Variants in CALCOCO2 observed in about 807,000 individuals in gnomAD.
CALCOCO2 encodes the protein calcium-binding and coiled-coil domain-containing protein 2.
Under a neutral mutation model 62.5 loss-of-function variants are expected in CALCOCO2, and 42 were observed. The ratio of observed to expected loss-of-function variants is 0.67; its 90% CI spans 0.53 to 0.87. The LOEUF (loss-of-function observed/expected upper bound fraction) is 0.87, where lower values mean the gene tolerates loss of function less well. CALCOCO2 is among the 40% of genes least tolerant of loss of function. The pLI is 0.00. For synonymous variants in CALCOCO2, 167 were observed against 173.0 expected (o/e 0.97, Z 0.27); for missense variants, 456 against 515.0 (o/e 0.89, Z 1.11).
chr17:48,837,016 C>T (rs761209433), intron 1 of CALCOCO2, among the ~76,000 whole-genome samples: 11 of 152,152 alleles, frequency 7.2e-5, no homozygotes, highest in Non-Finnish European at 1.2e-4. Flanking sequence ...CTGCCTTGGC[C>T]TCCCAGTGCT....
Position 48,846,537 on chromosome 17 carries a change from T to C in CALCOCO2, c.181-1527T>C, listed in dbSNP as rs559218580. ...CAGGTGGCTAGAAGTTGTTTCCCTGTTCCAAGGCAGCAATAATTCTTAGGC... is the reference window on the plus strand; with the variant it reads ...CAGGTGGCTAGAAGTTGTTTCCCTGCTCCAAGGCAGCAATAATTCTTAGGC... On this transcript the variant is annotated intron_variant, in intron 2 of 12. Coordinates refer to ENST00000258947, the MANE Select transcript of CALCOCO2 (RefSeq NM_005831.5). 45 of 1,135,056 alleles carry C rather than the reference T, an allele frequency of 4.0e-5. No homozygotes were observed. The South Asian group carries it at 5.0e-4, about 13-fold the overall frequency. The allele number at this position is 1,135,056 out of a possible 1,614,324, so 70.3% of individuals were successfully genotyped here. A position where few individuals can be genotyped will look rare whatever the true frequency, so the allele number is the denominator to read the frequency against.
intron 10 of CALCOCO2, among the ~76,000 whole-genome samples, chr17:48,858,774 G>T (rs1407949174): frequency 1.3e-5 from 2 of 151,998 alleles, no homozygotes; most frequent in African/African-American, 4.8e-5. Flanking sequence ...AGAACTGTAG[G>T]CCGGGTGCTG....
chr17:48,862,701 T>C, intron 12 of CALCOCO2, 137 bp from the exon 13 acceptor site: 1 of 694,522 alleles, frequency 1.4e-6, no homozygotes. Flanking sequence ...TTCTCTTCAT[T>C]CATTCACTAT....
chr17:48,849,154 G>A, intron 4 of CALCOCO2, 98 bp from the exon 5 acceptor site: 3 of 1,117,254 alleles, frequency 2.7e-6, no homozygotes, highest in Non-Finnish European at 4.0e-6. Flanking sequence ...AGGTGTCACT[G>A]CAGTGAATGG....
rs977212382 is a variant in CALCOCO2 at position 48,863,286 on chromosome 17, G to A, written c.*281G>A. 3.4e-5 allele frequency: 13 copies of A among 383,296 alleles called. No homozygotes were observed. The highest frequency in any genetic ancestry group is 6.5e-5 in the Non-Finnish European group (13 of 199,984). The allele number at this position is 383,296 out of a possible 1,614,324, so 23.7% of individuals were successfully genotyped here. ...GGTCTCAGTACAAGGGCCCTGGGAT[G>A]GAGCCAACCTGGGTATTCACAACAG... On this transcript the variant is annotated 3_prime_UTR_variant, in exon 13 of 13. Coordinates refer to ENST00000258947, the MANE Select transcript of CALCOCO2 (RefSeq NM_005831.5).
chr17:48,853,937 G>T (rs978699966), intron 9 of CALCOCO2, among the ~76,000 whole-genome samples: 3 of 152,036 alleles, frequency 2.0e-5, no homozygotes, highest in Admixed American at 2.0e-4. Context: ...CAGTTCCTTC[G>T]TTTGATTACA....
chr17:48,833,941 C>T (rs901709784), intron 1 of CALCOCO2, among the ~76,000 whole-genome samples: 4 of 151,870 alleles, frequency 2.6e-5, no homozygotes, highest in African/African-American at 9.7e-5. Context: ...CCAGCCTGGG[C>T]AACATGGTGA....
intron 1 of CALCOCO2, among the ~76,000 whole-genome samples, chr17:48,832,400 C>T (rs969321120): frequency 6.6e-6 from 1 of 151,992 alleles, no homozygotes; most frequent in Non-Finnish European, 1.5e-5. Flanking sequence ...TCTCAAAAAA[C>T]AAACAAACAA....
chr17:48,844,103 G>C (rs896269098), intron 2 of CALCOCO2: 1 of 152,018 alleles, frequency 6.6e-6, no homozygotes, highest in African/African-American at 2.4e-5. Flanking sequence ...GGCTGGTCTC[G>C]AACTCCCCAC....
chr17:48,841,518 AGTT>A (rs2039973964), intron 1 of CALCOCO2, 177 bp from the exon 2 acceptor site: 2 of 478,020 alleles, frequency 4.2e-6, no homozygotes, highest in Non-Finnish European at 7.4e-6. Context: ...TAGCATAGGA[AGTT>A]GTGACTGAGA....
chr17:48,855,643 A>C (rs1194035361), intron 9 of CALCOCO2, among the ~76,000 whole-genome samples: 1 of 152,140 alleles, frequency 6.6e-6, no homozygotes, highest in Non-Finnish European at 1.5e-5. Context: ...ACTTGAGCCG[A>C]GATGCCTATT....
intron 1 of CALCOCO2, among the ~76,000 whole-genome samples, chr17:48,837,410 T>A (rs2039908795): frequency 1.3e-5 from 2 of 152,008 alleles, no homozygotes; most frequent in South Asian, 4.2e-4. Flanking sequence ...TTTGGGAGGC[T>A]GAGGTGGGTG....
chr17:48,849,378 G>A lies in CALCOCO2; in HGVS notation c.543+1G>A. The A allele has an allele frequency of 1.2e-6, 2 of 1,612,634 alleles. No individual in the cohort carries two copies. The highest frequency in any genetic ancestry group is 8.5e-7 in the Non-Finnish European group (1 of 1,179,472). ...GCAGGCTGAGCTCCAAAAGAAGCAG[G>A]TATGGCTGCTGGTTATAGGTGACCT... On this transcript the variant is annotated splice_donor_variant, in intron 5 of 12. Coordinates refer to ENST00000258947, the MANE Select transcript of CALCOCO2 (RefSeq NM_005831.5). LOFTEE classifies it high-confidence loss of function.
At chr17:48,857,871 G>T (rs1365109355) in intron 10 of CALCOCO2, among the ~76,000 whole-genome samples, 1 of 149,830 alleles carries the variant, frequency 6.7e-6, no homozygotes, top group Non-Finnish European at 1.5e-5. Context: ...CAGCTACTCA[G>T]GAGGCTGAGG....
intron 1 of CALCOCO2, among the ~76,000 whole-genome samples, chr17:48,836,816 G>T (rs1423785024): frequency 6.7e-6 from 1 of 148,566 alleles, no homozygotes; most frequent in Non-Finnish European, 1.5e-5. Flanking sequence ...AAGCTGGAGT[G>T]CAGTGGTGCG....
At position 48,863,049 on chromosome 17, in the gene CALCOCO2, A is replaced by T; in HGVS notation, c.*44A>T. On this transcript the variant is annotated 3_prime_UTR_variant, in exon 13 of 13. Coordinates refer to ENST00000258947, the MANE Select transcript of CALCOCO2 (RefSeq NM_005831.5). ...TGTATACAGAGATTTTATAGAATAG[A>T]ACCTATAGCTTCTACCATGAGTTAT... is the stretch of plus-strand genomic sequence containing the variant. 2 of 1,387,994 alleles carry T rather than the reference A, an allele frequency of 1.4e-6. No homozygotes were observed. The highest frequency in any genetic ancestry group is 2.1e-6 in the Non-Finnish European group (2 of 974,200). The allele number at this position is 1,387,994 out of a possible 1,614,324, so 86.0% of individuals were successfully genotyped here.
chr17:48,846,432 C>T lies in CALCOCO2; in HGVS notation c.181-1632C>T, dbSNP rs1422475189. ...TGTATAATCCTATGCTTCATACTCTCCTTGACTTAGGCATTTAAATGTTTC... is the reference window on the plus strand; with the variant it reads ...TGTATAATCCTATGCTTCATACTCTTCTTGACTTAGGCATTTAAATGTTTC... On this transcript the variant is annotated intron_variant, in intron 2 of 12. Transcript: ENST00000258947. 6 of 1,272,090 alleles carry T rather than the reference C, an allele frequency of 4.7e-6. No homozygotes were observed. The African/African-American group carries it at 8.8e-5, about 19-fold the overall frequency. The allele number at this position is 1,272,090 out of a possible 1,614,324, so 78.8% of individuals were successfully genotyped here.
At chr17:48,859,344 A>G (rs1324716970) in intron 10 of CALCOCO2, among the ~76,000 whole-genome samples, 2 of 152,134 alleles carry the variant, frequency 1.3e-5, no homozygotes, top group African/African-American at 4.8e-5. Flanking sequence ...TGCTCTCAAT[A>G]ATATACAACA....
In CALCOCO2 at chr17:48,849,431, T is replaced by C. The variant is rs1437833552; in HGVS notation, c.543+54T>C. The C allele has an allele frequency of 2.0e-6, 3 of 1,510,498 alleles. No homozygotes were observed. The East Asian group carries it at 6.8e-5, about 34-fold the overall frequency. The allele number at this position is 1,510,498 out of a possible 1,614,324, so 93.6% of individuals were successfully genotyped here. On this transcript the variant is annotated intron_variant, in intron 5 of 12. Transcript: ENST00000258947. ...GAGCATGGAGATCAGAATTGGATGGTGCCTCTTATCCAGCACCATATTCTG... is the reference window on the plus strand; with the variant it reads ...GAGCATGGAGATCAGAATTGGATGGCGCCTCTTATCCAGCACCATATTCTG...
Sources: gnomAD v4.1 joint callset for allele counts (sites outside exome capture counted in the v4.1 genomes callset) on GRCh38, gnomAD v4.1.1 for gene constraint, MANE v1.5 for transcripts, NCBI Gene and HGNC (gene_info 2026-07-23, HGNC 2026-07-21) for gene names.